The following GPHN variants were observed in gnomAD, a reference collection of about 807,000 sequenced individuals.
GPHN encodes gephyrin.
GPHN carries 17 observed loss-of-function variants against 95.5 expected under a neutral mutation model. That is an observed-to-expected ratio of 0.18 (90% CI 0.12 to 0.27). The LOEUF (loss-of-function observed/expected upper bound fraction) is 0.27. Among genes scored for constraint, GPHN ranks in the 10% least tolerant of loss-of-function variants. The pLI, the probability that GPHN is intolerant of heterozygous loss-of-function variation, is 1.00. For missense variants in GPHN, 660 were observed against 978.1 expected, an observed-to-expected ratio of 0.67 and a Z score of 4.34; for synonymous variants, 320 against 322.5, an observed-to-expected ratio of 0.99 and a Z score of 0.08.
the GPHN span, among the ~76,000 whole-genome samples, chr14:67,437,664 A>T: frequency 6.6e-6 from 1 of 151,932 alleles, no homozygotes; most frequent in South Asian, 2.1e-4. Context: ...GAGGGGGGAG[A>T]GAGAGGTGGG....
intron 1 of GPHN, among the ~76,000 whole-genome samples, chr14:66,515,845 T>C (rs759445025): frequency 1.3e-5 from 2 of 152,274 alleles, no homozygotes; most frequent in Non-Finnish European, 2.9e-5. Flanking sequence ...TCTTGAAGCA[T>C]ATATTCTAGC....
the GPHN span, among the ~76,000 whole-genome samples, chr14:67,509,911 G>A: frequency 6.6e-6 from 1 of 152,202 alleles, no homozygotes; most frequent in Non-Finnish European, 1.5e-5. Context: ...TAGGGAGGCT[G>A]AGGCAGGAGG....
At chr14:66,916,167 C>T (rs1052803440) in intron 6 of GPHN, 98 bp downstream of exon 6, 2 of 758,182 alleles carry the variant, frequency 2.6e-6, no homozygotes, top group African/African-American at 3.4e-5. Flanking sequence ...CAAGACTGCC[C>T]TCACATCTGA....
chr14:66,932,010 A>G (rs1407843129), intron 8 of GPHN, among the ~76,000 whole-genome samples: 1 of 152,136 alleles, frequency 6.6e-6, no homozygotes, highest in Admixed American at 6.5e-5. Flanking sequence ...CTTTCCAAAT[A>G]CTCAAAGGGA....
intron 1 of GPHN, among the ~76,000 whole-genome samples, chr14:66,549,370 T>C (rs1364521422): frequency 6.6e-6 from 1 of 152,156 alleles, no homozygotes; most frequent in Non-Finnish European, 1.5e-5. Flanking sequence ...GTAGCCTGGA[T>C]AGAAGATCAA....
At chr14:67,047,662 G>A (rs142093179) in intron 10 of GPHN, among the ~76,000 whole-genome samples, 340 of 152,086 alleles carry the variant, frequency 2.2e-3, no homozygotes, top group African/African-American at 6.5e-3. Flanking sequence ...CATTGCACCC[G>A]ACCCATTTCC....
At chr14:66,650,107 G>T (rs552008805) in intron 1 of GPHN, among the ~76,000 whole-genome samples, 2 of 145,732 alleles carry the variant, frequency 1.4e-5, no homozygotes, top group Admixed American at 1.4e-4. Context: ...AAAAAAAAAA[G>T]CTGCATTTAA....
chr14:67,258,015 C>G, the GPHN span, among the ~76,000 whole-genome samples: 2 of 151,792 alleles, frequency 1.3e-5, no homozygotes, highest in Non-Finnish European at 2.9e-5. Flanking sequence ...TGGGAAAAAT[C>G]TCTCTCCTCT....
At chr14:67,470,451 T>C in the GPHN span, 1 of 152,116 alleles carries the variant, frequency 6.6e-6, no homozygotes, top group Non-Finnish European at 1.5e-5. Context: ...GGGGCCTGCA[T>C]CTCCTCCAGG....
the GPHN span, among the ~76,000 whole-genome samples, chr14:67,435,130 C>T: frequency 6.6e-5 from 10 of 151,734 alleles, no homozygotes; most frequent in Non-Finnish European, 1.3e-4. Flanking sequence ...CCATGCCTGG[C>T]TAATTTTTGC....
the GPHN span, chr14:67,320,436 A>G: frequency 3.9e-5 from 60 of 1,533,768 alleles, 1 homozygote; most frequent in African/African-American, 1.8e-4. Context: ...GTGCTTTTCA[A>G]TTTACCAGCT....
At chr14:67,300,884 G>T in the GPHN span, among the ~76,000 whole-genome samples, 1 of 150,698 alleles carries the variant, frequency 6.6e-6, no homozygotes, top group Non-Finnish European at 1.5e-5. Context: ...TAGAGACAGG[G>T]TCTCACTGTG....
At chr14:67,389,582 ATATATATG>A in the GPHN span, among the ~76,000 whole-genome samples, 1 of 152,096 alleles carries the variant, frequency 6.6e-6, no homozygotes, top group Non-Finnish European at 1.5e-5. Flanking sequence ...GCATGTGTAC[ATATATATG>A]TATATATGTA....
At chr14:67,455,252 G>A in the GPHN span, among the ~76,000 whole-genome samples, 8 of 152,072 alleles carry the variant, frequency 5.3e-5, no homozygotes, top group African/African-American at 1.4e-4. Context: ...GCCCACCCTC[G>A]TTCTCACCCT....
At chr14:66,995,178 GAA>G (rs1213116709) in intron 9 of GPHN, among the ~76,000 whole-genome samples, 4 of 152,280 alleles carry the variant, frequency 2.6e-5, no homozygotes. Context: ...AACCTAACGA[GAA>G]AAGAGTACAC....
At chr14:66,681,848 TA>T (rs529332653) in intron 2 of GPHN, among the ~76,000 whole-genome samples, 195 of 151,356 alleles carry the variant, frequency 1.3e-3, no homozygotes, top group African/African-American at 4.1e-3. Context: ...CACTGTTTAT[TA>T]AAAAAAAATA....
At chr14:67,429,437 G>T in the GPHN span, among the ~76,000 whole-genome samples, 1 of 150,976 alleles carries the variant, frequency 6.6e-6, no homozygotes, top group Non-Finnish European at 1.5e-5. Context: ...CACCATGTTG[G>T]TCAGGCTGGT....
At chr14:67,029,161 G>C (rs2074063869) in intron 10 of GPHN, among the ~76,000 whole-genome samples, 1 of 152,098 alleles carries the variant, frequency 6.6e-6, no homozygotes, top group Admixed American at 6.6e-5. Context: ...TTTGTCAAAA[G>C]TTAGTTGGTT....
chr14:67,093,502 T>C (rs1234178635), intron 12 of GPHN, among the ~76,000 whole-genome samples: 1 of 152,080 alleles, frequency 6.6e-6, no homozygotes, highest in East Asian at 1.9e-4. Context: ...CCCTCTACTA[T>C]AGGATACTTT....
Sources: allele counts gnomAD v4.1 joint callset (sites outside exome capture counted in the v4.1 genomes callset), GRCh38; gene constraint gnomAD v4.1.1; transcripts MANE v1.5; gene names NCBI Gene and HGNC (gene_info 2026-07-23, HGNC 2026-07-21).